The following FHIT variants were observed in gnomAD, a reference collection of about 807,000 sequenced individuals.
FHIT encodes the protein bis(5'-adenosyl)-triphosphatase.
FHIT carries 19 observed loss-of-function variants against 17.9 expected under a neutral mutation model. That is an observed-to-expected ratio of 1.06 (90% CI 0.74 to 1.56). The LOEUF is 1.56. FHIT is among the 40% of genes most tolerant of loss of function. The pLI, the probability that FHIT is intolerant of heterozygous loss-of-function variation, is 0.00. For synonymous variants in FHIT, 81 were observed against 69.7 expected, an observed-to-expected ratio of 1.16 and a Z score of -0.81; for missense variants, 248 against 189.2, an observed-to-expected ratio of 1.31 and a Z score of -1.82.
intron 7 of FHIT, among the ~76,000 whole-genome samples, chr3:59,980,420 A>C (rs990089610): frequency 1.3e-5 from 2 of 152,210 alleles, no homozygotes; most frequent in South Asian, 2.1e-4. Context: ...CAGTTCCTGA[A>C]GGTATAATGC....
intron 3 of FHIT, among the ~76,000 whole-genome samples, chr3:61,019,514 T>C (rs376700743): frequency 6.6e-6 from 1 of 152,222 alleles, no homozygotes; most frequent in African/African-American, 2.4e-5. Flanking sequence ...GGAAGTCTAA[T>C]AGATTGCCAT....
intron 4 of FHIT, among the ~76,000 whole-genome samples, chr3:60,704,817 T>C (rs1331494779): frequency 2.6e-5 from 4 of 152,146 alleles, no homozygotes; most frequent in Non-Finnish European, 5.9e-5. Flanking sequence ...AAACTTACCA[T>C]CAACTACTTG....
At chr3:60,330,460 C>T (rs766547557) in intron 5 of FHIT, among the ~76,000 whole-genome samples, 1 of 152,268 alleles carries the variant, frequency 6.6e-6, no homozygotes, top group Middle Eastern at 3.4e-3. Context: ...AACAAAAATT[C>T]GGCATGTGTG....
At chr3:60,206,589 C>A (rs1422200924) in intron 5 of FHIT, among the ~76,000 whole-genome samples, 1 of 152,164 alleles carries the variant, frequency 6.6e-6, no homozygotes, top group East Asian at 1.9e-4. Context: ...GAGGCAAGGG[C>A]TGCACCAAAA....
intron 5 of FHIT, among the ~76,000 whole-genome samples, chr3:60,303,909 A>G (rs1278240948): frequency 1.3e-5 from 2 of 152,322 alleles, no homozygotes; most frequent in East Asian, 3.9e-4. Flanking sequence ...ACAGATTAAT[A>G]GTAAGGAACA....
At chr3:60,738,834 C>A (rs782814079) in intron 4 of FHIT, among the ~76,000 whole-genome samples, 1 of 152,228 alleles carries the variant, frequency 6.6e-6, no homozygotes, top group African/African-American at 2.4e-5. Flanking sequence ...AACCTCAAGC[C>A]TGGAGACCTG....
At chr3:60,314,744 T>G (rs1709093503) in intron 5 of FHIT, among the ~76,000 whole-genome samples, 1 of 152,116 alleles carries the variant, frequency 6.6e-6, no homozygotes, top group African/African-American at 2.4e-5. Flanking sequence ...GGGGTCTATG[T>G]TCCTTCTCCC....
chr3:61,092,247 A>G (rs2035508849), intron 2 of FHIT, among the ~76,000 whole-genome samples: 1 of 152,070 alleles, frequency 6.6e-6, no homozygotes, highest in Non-Finnish European at 1.5e-5. Flanking sequence ...CAAGGGAAAA[A>G]TCTACTTTAT....
intron 5 of FHIT, among the ~76,000 whole-genome samples, chr3:60,525,824 T>C (rs2035552280): frequency 6.6e-6 from 1 of 152,136 alleles, no homozygotes; most frequent in South Asian, 2.1e-4. Flanking sequence ...AGGTGACAGG[T>C]GGCCAGGTGT....
chr3:59,951,495 A>T (rs779790211), intron 7 of FHIT, among the ~76,000 whole-genome samples: 3 of 152,180 alleles, frequency 2.0e-5, no homozygotes, highest in Non-Finnish European at 4.4e-5. Context: ...CCAGACAAGG[A>T]ACTCTGAAGG....
At chr3:60,767,033 A>G (rs1246373700) in intron 4 of FHIT, among the ~76,000 whole-genome samples, 11 of 152,232 alleles carry the variant, frequency 7.2e-5, no homozygotes, top group African/African-American at 2.7e-4. Context: ...TCTTTACTCC[A>G]GCATTTCCCA....
intron 5 of FHIT, among the ~76,000 whole-genome samples, chr3:60,295,252 G>T (rs1440115147): frequency 6.6e-6 from 1 of 152,032 alleles, no homozygotes; most frequent in African/African-American, 2.4e-5. Context: ...CACAGAAAAA[G>T]AAATCTCTTA....
At chr3:60,421,560 T>C (rs988427354) in intron 5 of FHIT, among the ~76,000 whole-genome samples, 6 of 152,126 alleles carry the variant, frequency 3.9e-5, no homozygotes, top group African/African-American at 1.2e-4. Flanking sequence ...TGCTGATATA[T>C]GCAATTATGC....
intron 3 of FHIT, among the ~76,000 whole-genome samples, chr3:60,869,893 T>A (rs1704330002): frequency 6.6e-6 from 1 of 152,174 alleles, no homozygotes; most frequent in Non-Finnish European, 1.5e-5. Flanking sequence ...GTTCTTGAGC[T>A]CTTTTTCTCG....
chr3:59,928,037 C>T (rs78831276), intron 7 of FHIT, among the ~76,000 whole-genome samples: 2,016 of 152,026 alleles, frequency 0.013, 12 homozygotes, highest in South Asian at 0.02. Flanking sequence ...TGGCTCATGG[C>T]GGGGGAAAGA....
chr3:60,892,035 A>T (rs138951526), intron 3 of FHIT, among the ~76,000 whole-genome samples: 1 of 152,162 alleles, frequency 6.6e-6, no homozygotes, highest in Non-Finnish European at 1.5e-5. Flanking sequence ...TGGCTCCCCA[A>T]TGTCAGTCCA....
intron 5 of FHIT, among the ~76,000 whole-genome samples, chr3:60,512,153 T>C (rs2034974883): frequency 6.6e-6 from 1 of 152,212 alleles, no homozygotes; most frequent in South Asian, 2.1e-4. Flanking sequence ...GAAATCTTAT[T>C]GTGGAACAAG....
At chr3:60,539,740 A>G (rs1237785767) in intron 4 of FHIT, among the ~76,000 whole-genome samples, 1 of 152,046 alleles carries the variant, frequency 6.6e-6, no homozygotes, top group East Asian at 1.9e-4. Flanking sequence ...GAATTGAACA[A>G]TGAGAACACT....
intron 4 of FHIT, among the ~76,000 whole-genome samples, chr3:60,561,540 C>A (rs2036945989): frequency 6.6e-6 from 1 of 151,892 alleles, no homozygotes; most frequent in Admixed American, 6.6e-5. Context: ...CTGCAATAGT[C>A]ATCTGGGCAG....
Sources: gnomAD v4.1 joint callset for allele counts (sites outside exome capture counted in the v4.1 genomes callset) on GRCh38, gnomAD v4.1.1 for gene constraint, MANE v1.5 for transcripts, NCBI Gene and HGNC (gene_info 2026-07-23, HGNC 2026-07-21) for gene names.